PCDH9: variants seen among roughly 807,000 people sequenced by gnomAD.
PCDH9 encodes the protein protocadherin-9.
A neutral mutation model predicts 70.6 loss-of-function variants in PCDH9; 24 were observed. The ratio of observed to expected loss-of-function variants is 0.34; its 90% CI spans 0.25 to 0.48. PCDH9 has a LOEUF of 0.48. Ranked by LOEUF, PCDH9 falls within the 20% of genes least tolerant of loss-of-function variation. PCDH9 has a pLI of 0.99. For missense variants in PCDH9, 1,281 were observed against 1,503.6 expected (o/e 0.85, Z 2.45); for synonymous variants, 562 against 558.5 (o/e 1.01, Z -0.09).
intron 2 of PCDH9, chr13:67,207,960 G>A (rs1275006025): frequency 1.3e-5 from 2 of 152,106 alleles, no homozygotes; most frequent in African/African-American, 4.8e-5. Flanking sequence ...AAAATATTGG[G>A]AAGCACAGTC....
At chr13:67,211,862 T>TA (rs1384390010) in intron 2 of PCDH9, 4 of 152,094 alleles carry the variant, frequency 2.6e-5, no homozygotes, top group Admixed American at 2.6e-4. Flanking sequence ...ATATCTGTGG[T>TA]AAACATGTCC....
rs945810693 is a variant in PCDH9 at position 66,305,107 on chromosome 13, T to A, written c.3341-79A>T. On this transcript the variant is annotated intron_variant, in intron 4 of 4. Coordinates refer to ENST00000377865, the MANE Select transcript of PCDH9 (RefSeq NM_203487.3). ...TTAGAATTATCTTAGAGAAAAAGTA[T>A]GTTATTAGTGATCTTATTTTTTCAT... The A allele has an allele frequency of 8.3e-6, 10 of 1,206,740 alleles. No homozygotes were observed. The Admixed American group carries it at 1.9e-4, about 23-fold the overall frequency. 74.8% of individuals were successfully genotyped at this position (1,206,740 alleles called of 1,614,324 possible).
chr13:66,597,584 A>G (rs1327088607), intron 4 of PCDH9, among the ~76,000 whole-genome samples: 1 of 151,818 alleles, frequency 6.6e-6, no homozygotes, highest in South Asian at 2.1e-4. Context: ...TCAACTCAAG[A>G]TGGAGTAAAG....
In PCDH9 at chr13:66,325,296, A is replaced by C. The variant is rs954273303; in HGVS notation, c.3341-20268T>G. Among the ~76,000 whole-genome samples, 6 of 152,190 alleles carry C rather than the reference A, an allele frequency of 3.9e-5. 1 individual carries two copies. The highest frequency in any genetic ancestry group is 1.2e-4 in the African/African-American group (5 of 41,458). On this transcript the variant is annotated intron_variant, in intron 4 of 4. Transcript: ENST00000377865. Reference sequence around the variant, plus strand: ...AGTTATTCAGAAAGCTATTCTATTAAGATGAGAAGGATAAGCGCTGGTCTT... The same window carrying C: ...AGTTATTCAGAAAGCTATTCTATTACGATGAGAAGGATAAGCGCTGGTCTT...
At chr13:66,442,166 C>T (rs899673506) in intron 4 of PCDH9, among the ~76,000 whole-genome samples, 6 of 152,112 alleles carry the variant, frequency 3.9e-5, no homozygotes, top group Non-Finnish European at 8.8e-5. Flanking sequence ...AACTGGCTGC[C>T]ACATACATCA....
At chr13:66,945,484 C>T (rs9540952) in intron 2 of PCDH9, among the ~76,000 whole-genome samples, 24,322 of 152,088 alleles carry the variant, frequency 0.16, 2,136 homozygotes, top group Non-Finnish European at 0.18. Context: ...ATTCTTTTTC[C>T]TCTCCTAAAA....
At chr13:66,811,310 C>T (rs1372792888) in intron 3 of PCDH9, among the ~76,000 whole-genome samples, 9 of 152,014 alleles carry the variant, frequency 5.9e-5, no homozygotes, top group Admixed American at 4.6e-4. Context: ...GGCCCAAAAC[C>T]GCTGGATTAA....
At chr13:66,797,874 C>T (rs1291605324) in intron 3 of PCDH9, among the ~76,000 whole-genome samples, 1 of 151,908 alleles carries the variant, frequency 6.6e-6, no homozygotes, top group African/African-American at 2.4e-5. Flanking sequence ...GCCTCATCTA[C>T]CAATCTTATC....
intron 3 of PCDH9, among the ~76,000 whole-genome samples, chr13:66,851,515 G>A (rs1296400286): frequency 6.6e-6 from 1 of 151,388 alleles, no homozygotes; most frequent in Non-Finnish European, 1.5e-5. Flanking sequence ...TTCATCTCTA[G>A]GAGTTTAGAT....
intron 2 of PCDH9, chr13:67,215,125 A>T (rs998816487): frequency 9.9e-5 from 15 of 151,190 alleles, no homozygotes; most frequent in Non-Finnish European, 1.6e-4. Flanking sequence ...TACTCCAAAT[A>T]TCAAATTAGT....
At chr13:66,372,571 T>C (rs867323555) in intron 4 of PCDH9, among the ~76,000 whole-genome samples, 2 of 151,052 alleles carry the variant, frequency 1.3e-5, no homozygotes, top group African/African-American at 4.9e-5. Flanking sequence ...AGCCAATGAA[T>C]GGAGAAGCTT....
chr13:66,434,231 A>G (rs771718322), intron 4 of PCDH9, among the ~76,000 whole-genome samples: 8 of 152,050 alleles, frequency 5.3e-5, no homozygotes, highest in Admixed American at 2.6e-4. Flanking sequence ...TTTTACATGA[A>G]TCTTTTCAAT....
At chr13:66,928,324 T>C (rs745904508) in intron 2 of PCDH9, among the ~76,000 whole-genome samples, 51 of 152,160 alleles carry the variant, frequency 3.4e-4, no homozygotes, top group Non-Finnish European at 6.8e-4. Flanking sequence ...ACTTCTAGCA[T>C]GTATTTAGCA....
chr13:66,979,704 C>T lies in PCDH9; in HGVS notation c.3037-76099G>A, dbSNP rs561344768. On this transcript the variant is annotated intron_variant, in intron 2 of 4. Transcript: ENST00000377865. ...AAACAGCCACCTATTCTGATCATAT[C>T]CCCCCCTTACAACTCCAAACACTAC... Among the ~76,000 whole-genome samples, 6 of 152,092 alleles carry T rather than the reference C, an allele frequency of 3.9e-5. No homozygotes were observed. The East Asian group carries it at 9.7e-4, about 24-fold the overall frequency.
intron 3 of PCDH9, among the ~76,000 whole-genome samples, chr13:66,858,508 C>T (rs1452134057): frequency 6.6e-6 from 1 of 152,148 alleles, no homozygotes; most frequent in Non-Finnish European, 1.5e-5. Flanking sequence ...TACATTAAGC[C>T]TAACACTCAT....
chr13:66,930,540 A>C (rs747910312), intron 2 of PCDH9, among the ~76,000 whole-genome samples: 11 of 152,102 alleles, frequency 7.2e-5, no homozygotes, highest in Non-Finnish European at 1.2e-4. Context: ...AAATTTTATG[A>C]AACCATTTTT....
intron 2 of PCDH9, among the ~76,000 whole-genome samples, chr13:66,982,665 G>A (rs1376773096): frequency 3.9e-5 from 6 of 151,966 alleles, no homozygotes; most frequent in East Asian, 1.9e-4. Context: ...CACCTCTGTC[G>A]AAACTAACTT....
At chr13:66,334,825 C>A (rs1031712007) in intron 4 of PCDH9, among the ~76,000 whole-genome samples, 21 of 152,034 alleles carry the variant, frequency 1.4e-4, no homozygotes, top group African/African-American at 7.2e-5. Flanking sequence ...TTATAAAGAT[C>A]AGATAAAGGC....
intron 3 of PCDH9, among the ~76,000 whole-genome samples, chr13:66,652,344 T>C (rs1305800286): frequency 1.3e-5 from 2 of 151,882 alleles, no homozygotes; most frequent in Non-Finnish European, 2.9e-5. Flanking sequence ...CAGTGAACAA[T>C]CTGAAAAAGA....
Sources: gnomAD v4.1 joint callset for allele counts (sites outside exome capture counted in the v4.1 genomes callset) on GRCh38, gnomAD v4.1.1 for gene constraint, MANE v1.5 for transcripts, NCBI Gene and HGNC (gene_info 2026-07-23, HGNC 2026-07-21) for gene names.